UBR3: variants seen among roughly 807,000 people sequenced by gnomAD.
UBR3 encodes the protein E3 ubiquitin-protein ligase UBR3.
UBR3 carries 85 observed loss-of-function variants against 243.2 expected under a neutral mutation model. The ratio of observed to expected loss-of-function variants is 0.35; its 90% confidence interval spans 0.29 to 0.42. The LOEUF is 0.42. Ranked by LOEUF, UBR3 falls within the 10% of genes least tolerant of loss-of-function variation. UBR3 has a pLI of 1.00. For synonymous variants in UBR3, 748 were observed against 799.8 expected, an observed-to-expected ratio of 0.94 and a Z score of 1.09; for missense variants, 1,686 against 2,300.8, an observed-to-expected ratio of 0.73 and a Z score of 5.47.
intron 31 of UBR3, among the ~76,000 whole-genome samples, chr2:170,037,092 A>G (rs1287427130): frequency 6.6e-6 from 1 of 152,080 alleles, no homozygotes; most frequent in Non-Finnish European, 1.5e-5. Flanking sequence ...TCTAAAATTT[A>G]TTTGCAAATA....
At chr2:169,836,473 CAG>C (rs548928521) in intron 1 of UBR3, among the ~76,000 whole-genome samples, 17 of 151,848 alleles carry the variant, frequency 1.1e-4, no homozygotes, top group Admixed American at 2.0e-4. Context: ...ACAACACACA[CAG>C]GGGCCTGTTG....
rs2091930625 is a variant in UBR3 at position 170,083,033 on chromosome 2, GA to G, written c.*1191del. Reference sequence around the variant, plus strand: ...AAAGCATGTGACATATTGCTACAAAGATTTTTTTTCCTAAATGATTCAGTAA... The same window carrying G: ...AAAGCATGTGACATATTGCTACAAAGTTTTTTTTCCTAAATGATTCAGTAA... On this transcript the variant is annotated 3_prime_UTR_variant, in exon 39 of 39. Transcript: ENST00000272793. 6.6e-6 allele frequency: 1 copy of G among 152,544 alleles called. No individual in the cohort carries two copies. 9.4% of individuals were successfully genotyped at this position (152,544 alleles called of 1,614,324 possible). A position where few individuals can be genotyped will look rare whatever the true frequency, so the allele number is the denominator to read the frequency against.
chr2:169,831,700 C>G (rs1038798663), intron 1 of UBR3, among the ~76,000 whole-genome samples: 1 of 152,164 alleles, frequency 6.6e-6, no homozygotes, highest in African/African-American at 2.4e-5. Flanking sequence ...ACCTAAAAGA[C>G]TGCCTCTGGA....
At chr2:169,877,123 C>T (rs2105313553) in intron 3 of UBR3, among the ~76,000 whole-genome samples, 1 of 152,278 alleles carries the variant, frequency 6.6e-6, no homozygotes, top group Admixed American at 6.5e-5. Flanking sequence ...ACTGTCAAAC[C>T]AGAAGGTGAA....
At chr2:169,929,936 T>C (rs1431623709) in intron 18 of UBR3, among the ~76,000 whole-genome samples, 1 of 152,152 alleles carries the variant, frequency 6.6e-6, no homozygotes, top group Non-Finnish European at 1.5e-5. Flanking sequence ...AGAAAAGCCT[T>C]ATTTGGGATT....
intron 38 of UBR3, 86 bp downstream of exon 38, chr2:170,080,770 AT>A: frequency 4.3e-6 from 6 of 1,386,980 alleles, no homozygotes; most frequent in South Asian, 3.3e-5. Flanking sequence ...TGTAATTACA[AT>A]TTTTTTAATA....
At position 169,952,351 on chromosome 2, in the gene UBR3, A is replaced by C. The variant is rs866049874; in HGVS notation, c.3545+2286A>C. Among the ~76,000 whole-genome samples the C allele has an allele frequency of 3.3e-5, 5 of 152,276 alleles. 1 individual carries two copies. In the Middle Eastern group the frequency reaches 0.01, roughly 311 times the overall value. ...GGAGTTCAATAAGATTGGCCATCCTATTTGATTTGTTAGTTAGGAGGTCAT... is the reference window on the plus strand; with the variant it reads ...GGAGTTCAATAAGATTGGCCATCCTCTTTGATTTGTTAGTTAGGAGGTCAT... On this transcript the variant is annotated intron_variant, in intron 23 of 38. Coordinates refer to ENST00000272793, the MANE Select transcript of UBR3 (RefSeq NM_172070.4).
At chr2:170,053,373 T>TC (rs1410622584) in intron 32 of UBR3, among the ~76,000 whole-genome samples, 5 of 152,338 alleles carry the variant, frequency 3.3e-5, no homozygotes, top group Middle Eastern at 3.4e-3. Flanking sequence ...TACCCTGGTA[T>TC]CCATTTCCTA....
At position 170,048,407 on chromosome 2, in the gene UBR3, C is replaced by T. The variant is rs1051847889; in HGVS notation, c.4661-7053C>T. On this transcript the variant is annotated intron_variant, in intron 32 of 38. Coordinates refer to ENST00000272793, the MANE Select transcript of UBR3 (RefSeq NM_172070.4). ...TGCTGTTGCCACCATTTTTTGAACA[C>T]GCAACCCATGAAGAGGCATGAAGCT... is the stretch of plus-strand genomic sequence containing the variant. Among the ~76,000 whole-genome samples the T allele has an allele frequency of 3.9e-5, 6 of 152,138 alleles. No individual in the cohort carries two copies. In the East Asian group the frequency reaches 7.7e-4, roughly 20 times the overall value.
chr2:169,891,567 A>G (rs1033942584), intron 6 of UBR3, among the ~76,000 whole-genome samples: 4 of 151,582 alleles, frequency 2.6e-5, no homozygotes, highest in Admixed American at 6.6e-5. Context: ...TGCAATTTCT[A>G]GAGTGAAAAA....
At chr2:169,991,126 A>C (rs1335177701) in intron 25 of UBR3, among the ~76,000 whole-genome samples, 1 of 152,198 alleles carries the variant, frequency 6.6e-6, no homozygotes, top group Non-Finnish European at 1.5e-5. Flanking sequence ...GAAGGAGATT[A>C]TATATTGATA....
chr2:169,853,933 ACAC>A (rs2082750163), intron 1 of UBR3, among the ~76,000 whole-genome samples: 1 of 152,094 alleles, frequency 6.6e-6, no homozygotes, highest in Non-Finnish European at 1.5e-5. Flanking sequence ...GGCAAACCAA[ACAC>A]CACATGTTCT....
At chr2:169,881,575 A>G (rs1426184571) in intron 5 of UBR3, among the ~76,000 whole-genome samples, 1 of 146,846 alleles carries the variant, frequency 6.8e-6, no homozygotes, top group Non-Finnish European at 1.5e-5. Context: ...AAGAATTTGA[A>G]GTAGAGTTGT....
At chr2:169,829,647 A>G (rs372210767) in intron 1 of UBR3, among the ~76,000 whole-genome samples, 20 of 151,880 alleles carry the variant, frequency 1.3e-4, no homozygotes, top group African/African-American at 4.8e-4. Context: ...CTAGTCCCGA[A>G]CTCCCGACCT....
chr2:170,006,630 CAG>C (rs1431585981), intron 27 of UBR3, among the ~76,000 whole-genome samples: 5 of 152,080 alleles, frequency 3.3e-5, no homozygotes, highest in Non-Finnish European at 7.4e-5. Flanking sequence ...ATTATGAAAA[CAG>C]GGGTATGGGG....
chr2:169,861,346 A>ACGCC (rs1171654763), intron 1 of UBR3, among the ~76,000 whole-genome samples: 1 of 152,152 alleles, frequency 6.6e-6, no homozygotes, highest in Non-Finnish European at 1.5e-5. Flanking sequence ...GTGGTGGCTC[A>ACGCC]CGCCCGTAAT....
chr2:170,073,719 CTT>C lies in UBR3; in HGVS notation c.5199+113_5199+114del, dbSNP rs1038407511. ...TCTGTTTTTGACAGCAATTATAAAA[CTT>C]GATTAAATTGAAAAAATTGTTTACT... On this transcript the variant is annotated intron_variant, in intron 36 of 38. Coordinates refer to ENST00000272793, the MANE Select transcript of UBR3 (RefSeq NM_172070.4). The C allele has an allele frequency of 4.1e-5, 47 of 1,150,798 alleles. No individual in the cohort carries two copies. The Admixed American group carries it at 1.0e-3, about 26-fold the overall frequency. 71.3% of individuals were successfully genotyped at this position (1,150,798 alleles called of 1,614,324 possible). A position where few individuals can be genotyped will look rare whatever the true frequency, so the allele number is the denominator to read the frequency against.
chr2:170,026,113 C>T (rs2090522438), intron 30 of UBR3, among the ~76,000 whole-genome samples: 1 of 151,384 alleles, frequency 6.6e-6, no homozygotes, highest in Non-Finnish European at 1.5e-5. Context: ...TGAGAAATGT[C>T]ACCTTTTAGG....
At chr2:169,878,278 T>G (rs1017919451) in intron 4 of UBR3, among the ~76,000 whole-genome samples, 1 of 151,906 alleles carries the variant, frequency 6.6e-6, no homozygotes, top group African/African-American at 2.4e-5. Flanking sequence ...GGAGAATTGC[T>G]TGAATCTGAG....
Sources: allele counts gnomAD v4.1 joint callset (sites outside exome capture counted in the v4.1 genomes callset), GRCh38; gene constraint gnomAD v4.1.1; transcripts MANE v1.5; gene names NCBI Gene and HGNC (gene_info 2026-07-23, HGNC 2026-07-21).